Variants in ZNF503 observed in about 807,000 individuals in gnomAD.
The protein encoded by ZNF503 is zinc finger protein 503, also known as NocA-like zinc finger 2.
ZNF503 carries 15 observed loss-of-function variants against 34.4 expected under a neutral mutation model. That is an observed-to-expected ratio of 0.44 (90% CI 0.29 to 0.67). The LOEUF is 0.67. Ranked by LOEUF, ZNF503 falls within the 30% of genes least tolerant of loss-of-function variation. ZNF503 has a pLI of 0.13. For synonymous variants in ZNF503, 580 were observed against 456.8 expected (o/e 1.27, Z -3.44); for missense variants, 1,007 against 926.8 (o/e 1.09, Z -1.12).
At chr10:75,282,352 C>T in the ZNF503 span, among the ~76,000 whole-genome samples, 9 of 152,274 alleles carry the variant, frequency 5.9e-5, no homozygotes, top group Admixed American at 5.2e-4. Flanking sequence ...TTTAAACCCT[C>T]TTCCCTCCCT....
chr10:75,374,186 A>G, the ZNF503 span, among the ~76,000 whole-genome samples: 1 of 152,114 alleles, frequency 6.6e-6, no homozygotes, highest in South Asian at 2.1e-4. Context: ...GTGGTGCACA[A>G]CTGTGGATGC....
rs1034315808 is a variant in ZNF503 at position 75,398,592 on chromosome 10, C to A, written c.*157G>T. 1.7e-6 allele frequency: 1 copy of A among 597,314 alleles called. No individual in the cohort carries two copies. The highest frequency in any genetic ancestry group is 2.5e-6 in the Non-Finnish European group (1 of 407,976). The allele number at this position is 597,314 out of a possible 1,614,324, so 37.0% of individuals were successfully genotyped here. A position where few individuals can be genotyped will look rare whatever the true frequency, so the allele number is the denominator to read the frequency against. ...GTGTCCCACCGGGTCTCGGTCGCTG[C>A]TGTCGGGTAGATAGATACGGTATAC... On this transcript the variant is annotated 3_prime_UTR_variant, in exon 2 of 2. Transcript: ENST00000372524.
the ZNF503 span, among the ~76,000 whole-genome samples, chr10:75,391,265 TGAGGA>T: frequency 6.6e-6 from 1 of 152,190 alleles, no homozygotes; most frequent in Non-Finnish European, 1.5e-5. Flanking sequence ...AGGTGCAGGC[TGAGGA>T]GCGGTGTGGT....
At chr10:75,295,609 C>T in the ZNF503 span, 1 of 152,198 alleles carries the variant, frequency 6.6e-6, no homozygotes, top group Non-Finnish European at 1.5e-5. The surrounding 1 kb of genome is among the most constrained non-coding windows in gnomAD (Gnocchi z 4.0). Flanking sequence ...CTCCTTAGAC[C>T]TAATCATGAG....
At chr10:75,311,732 A>C in the ZNF503 span, among the ~76,000 whole-genome samples, 3 of 142,582 alleles carry the variant, frequency 2.1e-5, no homozygotes, top group Non-Finnish European at 3.1e-5. Context: ...TGGGAGGCTG[A>C]GGCCTCCTTT....
At chr10:75,312,246 C>G in the ZNF503 span, among the ~76,000 whole-genome samples, 5 of 151,938 alleles carry the variant, frequency 3.3e-5, no homozygotes, top group Admixed American at 1.3e-4. Flanking sequence ...AAATGACAAA[C>G]TAGAAAGCCT....
chr10:75,331,229 A>C, the ZNF503 span, among the ~76,000 whole-genome samples: 1 of 152,226 alleles, frequency 6.6e-6, no homozygotes, highest in African/African-American at 2.4e-5. Flanking sequence ...CATGTGGTCT[A>C]TTCTGGAGAA....
the ZNF503 span, among the ~76,000 whole-genome samples, chr10:75,341,871 A>AGTT: frequency 2.0e-5 from 3 of 152,148 alleles, no homozygotes; most frequent in Non-Finnish European, 2.9e-5. Flanking sequence ...CACCCAGGCA[A>AGTT]GTTCCCACAC....
the ZNF503 span, among the ~76,000 whole-genome samples, chr10:75,387,420 G>A: frequency 4.6e-5 from 7 of 152,186 alleles, no homozygotes; most frequent in Non-Finnish European, 8.8e-5. Flanking sequence ...GTAACATGAG[G>A]TTACTGTAGC....
At chr10:75,288,081 C>G in the ZNF503 span, among the ~76,000 whole-genome samples, 1 of 152,244 alleles carries the variant, frequency 6.6e-6, no homozygotes. Flanking sequence ...AGCTGTGAGC[C>G]AAGCCACACA....
chr10:75,286,156 G>T, the ZNF503 span, among the ~76,000 whole-genome samples: 23 of 151,810 alleles, frequency 1.5e-4, 1 homozygote, highest in Non-Finnish European at 1.5e-5. Context: ...GGTGGCACGC[G>T]CCTGTAGTCC....
the ZNF503 span, among the ~76,000 whole-genome samples, chr10:75,361,866 A>C: frequency 6.6e-6 from 1 of 152,180 alleles, no homozygotes; most frequent in Non-Finnish European, 1.5e-5. Context: ...TGGGAAGGAC[A>C]AAAGAGAGGT....
At chr10:75,363,310 G>A in the ZNF503 span, among the ~76,000 whole-genome samples, 1 of 152,056 alleles carries the variant, frequency 6.6e-6, no homozygotes, top group African/African-American at 2.4e-5. Flanking sequence ...GACTTGGCTC[G>A]AGCAGTCCCT....
At chr10:75,349,199 GATA>G in the ZNF503 span, among the ~76,000 whole-genome samples, 1 of 152,116 alleles carries the variant, frequency 6.6e-6, no homozygotes, top group South Asian at 2.1e-4. Flanking sequence ...GTTCTTTATG[GATA>G]TATGTATTTT....
At chr10:75,362,945 C>T in the ZNF503 span, among the ~76,000 whole-genome samples, 2 of 152,108 alleles carry the variant, frequency 1.3e-5, no homozygotes, top group Admixed American at 1.3e-4. Flanking sequence ...TCTACCCCCA[C>T]CCCAGCCTTG....
the ZNF503 span, among the ~76,000 whole-genome samples, chr10:75,303,526 T>G: frequency 3.9e-5 from 6 of 152,260 alleles, no homozygotes; most frequent in African/African-American, 1.4e-4. Context: ...CAGGCTGAAC[T>G]GCTCTTGCCT....
At chr10:75,286,285 G>GA in the ZNF503 span, among the ~76,000 whole-genome samples, 45,848 of 139,764 alleles carry the variant, frequency 0.33, 8,638 homozygotes, top group African/African-American at 0.54. Flanking sequence ...ACTGTCTCAG[G>GA]AAAAAAAAAA....
the ZNF503 span, among the ~76,000 whole-genome samples, chr10:75,335,688 A>G: frequency 1.3e-5 from 2 of 152,156 alleles, no homozygotes; most frequent in Non-Finnish European, 2.9e-5. Context: ...ACTTCCACCT[A>G]TATGATCTCC....
chr10:75,292,825 G>A, the ZNF503 span, among the ~76,000 whole-genome samples: 1 of 152,280 alleles, frequency 6.6e-6, no homozygotes, highest in South Asian at 2.1e-4. Flanking sequence ...GGTCTCCCTG[G>A]GATCTCGTGT....
Sources: allele counts gnomAD v4.1 joint callset (sites outside exome capture counted in the v4.1 genomes callset), GRCh38; gene constraint gnomAD v4.1.1; non-coding constraint Gnocchi (gnomAD v3.1); transcripts MANE v1.5; gene names NCBI Gene and HGNC (gene_info 2026-07-23, HGNC 2026-07-21).